The following EMILIN3 variants were observed in gnomAD, a reference collection of about 807,000 sequenced individuals.
EMILIN3 encodes elastin microfibril interfacer 3.
A neutral mutation model predicts 42.8 loss-of-function variants in EMILIN3; 38 were observed. The observed-to-expected ratio is 0.89, with a 90% CI of 0.69 to 1.16. The LOEUF (loss-of-function observed/expected upper bound fraction) is 1.16, where lower values mean the gene tolerates loss of function less well. Ranked by LOEUF, EMILIN3 falls within the 50% of genes most tolerant of loss-of-function variation. EMILIN3 has a pLI of 0.00. For missense variants in EMILIN3, 924 were observed against 999.5 expected, an observed-to-expected ratio of 0.92 and a Z score of 1.02; for synonymous variants, 430 against 440.5, an observed-to-expected ratio of 0.98 and a Z score of 0.30.
Position 41,360,911 on chromosome 20 carries a change from G to T in EMILIN3, c.*357C>A. ...GGGTCCTCTCAAGGCCTTACATACGGACACTGATCAAGGCCAGTTTGCCAC... is the reference window on the plus strand; with the variant it reads ...GGGTCCTCTCAAGGCCTTACATACGTACACTGATCAAGGCCAGTTTGCCAC... On this transcript the variant is annotated 3_prime_UTR_variant, in exon 4 of 4. Coordinates refer to ENST00000332312, the MANE Select transcript of EMILIN3 (RefSeq NM_052846.2). 2 of 335,270 alleles carry T rather than the reference G, an allele frequency of 6.0e-6. No homozygotes were observed. Among genetic ancestry groups the T allele is most frequent in the South Asian group, 1.1e-4 (2 of 18,246 alleles). 20.8% of individuals were successfully genotyped at this position (335,270 alleles called of 1,614,324 possible).
chr20:41,362,041 G>A lies in EMILIN3; in HGVS notation c.1528C>T (p.Leu510=). 1.2e-6 allele frequency: 2 copies of A among 1,611,290 alleles called. No individual in the cohort carries two copies. The highest frequency in any genetic ancestry group is 1.3e-5 in the African/African-American group (1 of 74,998). ...RPLVQTELAV[L]EQRLVSLETS... The stretch of plus-strand genomic sequence containing the variant: ...TCCAGTGAGACCAACCGTTGCTCTA[G>A]CACAGCCAGCTCTGTCTGTACAAGG... The change falls in exon 4 of 4, where the codon CTA becomes TTA. Residue 510 remains leucine (L), a synonymous_variant. Coordinates refer to ENST00000332312, the MANE Select transcript of EMILIN3 (RefSeq NM_052846.2).
In EMILIN3 at chr20:41,361,662, T is replaced by C. The variant is rs1390107705; in HGVS notation, c.1907A>G (p.Gln636Arg). 1.2e-6 allele frequency: 2 copies of C among 1,605,166 alleles called. No homozygotes were observed. The highest frequency in any genetic ancestry group is 1.7e-6 in the Non-Finnish European group (2 of 1,175,004). Residue 636 changes from glutamine to arginine, a missense_variant, in exon 4 of 4, where the codon CAG becomes CGG. Transcript: ENST00000332312. ...AAGCCTGGAGCCTTGGCTGCTGACCTGCTCCTGGATGGCCTGGACTTCGGC... is the reference window on the plus strand; with the variant it reads ...AAGCCTGGAGCCTTGGCTGCTGACCCGCTCCTGGATGGCCTGGACTTCGGC... ...VEAEVQAIQE[Q>R]VSSQGSRLQA...
In EMILIN3 at chr20:41,363,851, C is replaced by T. The variant is rs566384494; in HGVS notation, c.301G>A (p.Val101Ile). The T allele has an allele frequency of 8.7e-6, 14 of 1,613,678 alleles. No individual in the cohort carries two copies. The African/African-American group carries it at 1.2e-4, about 14-fold the overall frequency. The change falls in exon 3 of 4, where the codon GTA becomes ATA. Residue 101 changes from valine (V) to isoleucine (I), a missense_variant. Val to Ile is a conservative substitution (Grantham distance 29). Transcript: ENST00000332312. ...CCAACCTTGTATTTGGGTCTGAGTA[C>T]TGTGCGGTACCTGGGCCAGGGAGGG... ...KCPGTVTYRTVLRPKYKVGYK... is the reference protein window; with the variant it reads ...KCPGTVTYRTILRPKYKVGYK...
At position 41,366,335 on chromosome 20, in the gene EMILIN3, G is replaced by A. The variant is rs1375317268; in HGVS notation, c.167+133C>T. 2.2e-4 allele frequency: 137 copies of A among 632,784 alleles called. No homozygotes were observed. The highest frequency in any genetic ancestry group is 2.8e-4 in the Non-Finnish European group (137 of 490,120). The allele number at this position is 632,784 out of a possible 1,614,324, so 39.2% of individuals were successfully genotyped here. On this transcript the variant is annotated intron_variant, in intron 1 of 3. Coordinates refer to ENST00000332312, the MANE Select transcript of EMILIN3 (RefSeq NM_052846.2). This position sits in a 1 kb window ranked among gnomAD's most constrained non-coding sequence, Gnocchi z 4.2. Reference sequence around the variant, plus strand: ...CGCCTGGGCAGGGGCTCGGCCCCGGGCGCCGCCCCCTCTGTGCAGCGGCCT... The same window carrying A: ...CGCCTGGGCAGGGGCTCGGCCCCGGACGCCGCCCCCTCTGTGCAGCGGCCT...
chr20:41,361,238 G>T lies in EMILIN3; in HGVS notation c.*30C>A, dbSNP rs749794025. On this transcript the variant is annotated 3_prime_UTR_variant, in exon 4 of 4. Coordinates refer to ENST00000332312, the MANE Select transcript of EMILIN3 (RefSeq NM_052846.2). ...GGGGTGATGTTCCCCGAGTTGGTGG[G>T]ATCTAGGGGTTGGGTCCTGGCCAGC... The T allele has an allele frequency of 3.9e-6, 6 of 1,544,662 alleles. No individual in the cohort carries two copies. In the African/African-American group the frequency reaches 4.1e-5, roughly 10 times the overall value.
chr20:41,366,721 G>C lies in EMILIN3; in HGVS notation c.-87C>G. On this transcript the variant is annotated 5_prime_UTR_variant, in exon 1 of 4. Transcript: ENST00000332312. The surrounding 1 kb of genome is among the most constrained non-coding windows in gnomAD (Gnocchi z 4.2). Reference sequence around the variant, plus strand: ...CGCCGCGCCGCCCCCGCCGCTGGTCGGCCCGGGTCCCGCCCCGAGGGTCCC... The same window carrying C: ...CGCCGCGCCGCCCCCGCCGCTGGTCCGCCCGGGTCCCGCCCCGAGGGTCCC... 4 of 901,904 alleles carry C rather than the reference G, an allele frequency of 4.4e-6. No individual in the cohort carries two copies. The highest frequency in any genetic ancestry group is 5.3e-6 in the Non-Finnish European group (4 of 755,686). The allele number at this position is 901,904 out of a possible 1,614,324, so 55.9% of individuals were successfully genotyped here.
Position 41,362,011 on chromosome 20 carries a change from A to T in EMILIN3, c.1558T>A (p.Ser520Thr). The change falls in exon 4 of 4, where the codon TCG becomes ACG. Residue 520 changes from serine (S) to threonine (T), a missense_variant. Ser to Thr is a moderately conservative substitution (Grantham distance 58, BLOSUM62 1). Coordinates refer to ENST00000332312, the MANE Select transcript of EMILIN3 (RefSeq NM_052846.2). The stretch of plus-strand genomic sequence containing the variant: ...GCTGAGGTGGTGCTCGGGGTGCACG[A>T]AGTCTCCAGTGAGACCAACCGTTGC... Reference protein sequence around the residue: ...LEQRLVSLETSCTPSTTSAIL... With the variant: ...LEQRLVSLETTCTPSTTSAIL... 6.2e-7 allele frequency: 1 copy of T among 1,611,650 alleles called. No homozygotes were observed. The highest frequency in any genetic ancestry group is 8.5e-7 in the Non-Finnish European group (1 of 1,178,142).
chr20:41,361,996 T>G lies in EMILIN3; in HGVS notation c.1573A>C (p.Thr525Pro). The G allele has an allele frequency of 6.2e-7, 1 of 1,611,524 alleles. No individual in the cohort carries two copies. Among genetic ancestry groups the G allele is most frequent in the East Asian group, 2.2e-5 (1 of 44,792 alleles). ...VSLETSCTPS[T>P]TSAILDSLVA... is the part of the protein sequence containing the mutation. ...AGGCTGTCCAGGATGGCTGAGGTGG[T>G]GCTCGGGGTGCACGAAGTCTCCAGT... The change falls in exon 4 of 4, where the codon ACC becomes CCC. Residue 525 changes from threonine (T) to proline (P), a missense_variant. Physicochemically the swap from Thr to Pro is conservative, Grantham distance 38. Transcript: ENST00000332312.
At position 41,366,344 on chromosome 20, in the gene EMILIN3, C is replaced by T; in HGVS notation, c.167+124G>A. The T allele has an allele frequency of 8.2e-6, 6 of 731,040 alleles. No individual in the cohort carries two copies. The highest frequency in any genetic ancestry group is 1.0e-5 in the Non-Finnish European group (6 of 578,432). The allele number at this position is 731,040 out of a possible 1,614,324, so 45.3% of individuals were successfully genotyped here. On this transcript the variant is annotated intron_variant, in intron 1 of 3. Coordinates refer to ENST00000332312, the MANE Select transcript of EMILIN3 (RefSeq NM_052846.2). The surrounding 1 kb of genome is among the most constrained non-coding windows in gnomAD (Gnocchi z 4.2). ...AGGGGCTCGGCCCCGGGCGCCGCCCCCTCTGTGCAGCGGCCTCGGGGTGCC... is the reference window on the plus strand; with the variant it reads ...AGGGGCTCGGCCCCGGGCGCCGCCCTCTCTGTGCAGCGGCCTCGGGGTGCC...
Position 41,362,591 on chromosome 20 carries a change from G to A in EMILIN3, c.978C>T (p.Val326=). The change falls in exon 4 of 4, where the codon GTC becomes GTT. Residue 326 remains valine (V), a synonymous_variant. Coordinates refer to ENST00000332312, the MANE Select transcript of EMILIN3 (RefSeq NM_052846.2). ...GCACCCGCAGGTCACACTCACTCTG[G>A]ACGCCTTGCAGCTTCTGCTCAAAGC... The part of the protein sequence containing the change: ...LDGFEQKLQG[V]QSECDLRVQE... The A allele has an allele frequency of 6.2e-7, 1 of 1,601,518 alleles. No homozygotes were observed. Among genetic ancestry groups the A allele is most frequent in the Non-Finnish European group, 8.5e-7 (1 of 1,179,384 alleles).
chr20:41,362,110 C>T lies in EMILIN3; in HGVS notation c.1459G>A (p.Glu487Lys), dbSNP rs779213554. 6.2e-7 allele frequency: 1 copy of T among 1,606,084 alleles called. No homozygotes were observed. Among genetic ancestry groups the T allele is most frequent in the Non-Finnish European group, 8.5e-7 (1 of 1,173,900 alleles). Residue 487 changes from glutamate to lysine, a missense_variant, in exon 4 of 4, where the codon GAG becomes AAG. Physicochemically the swap from Glu to Lys is moderately conservative, Grantham distance 56 (BLOSUM62 1). Transcript: ENST00000332312. ...LEERLATLAG[E>K]LSHDSASPGR... ...GGAGAGGCGCTGTCATGGCTTAGCTCCCCAGCCAATGTTGCTAGGCGCTCC... is the reference window on the plus strand; with the variant it reads ...GGAGAGGCGCTGTCATGGCTTAGCTTCCCAGCCAATGTTGCTAGGCGCTCC...
chr20:41,360,982 C>A lies in EMILIN3; in HGVS notation c.*286G>T. On this transcript the variant is annotated 3_prime_UTR_variant, in exon 4 of 4. Transcript: ENST00000332312. ...ATGCTCAGGCCCTGCAGCTGGCTGT[C>A]CAGACACTGATTTGCTGACAGTGGA... 4.4e-6 allele frequency: 2 copies of A among 451,766 alleles called. No homozygotes were observed. The highest frequency in any genetic ancestry group is 4.9e-5 in the South Asian group (1 of 20,456). 28.0% of individuals were successfully genotyped at this position (451,766 alleles called of 1,614,324 possible).
intron 3 of EMILIN3, 90 bp downstream of exon 3, chr20:41,363,548 T>A: frequency 7.5e-7 from 1 of 1,326,080 alleles, no homozygotes; most frequent in Non-Finnish European, 1.0e-6. Flanking sequence ...ATGCCGGAGC[T>A]CAGCCAGCCT....
At chr20:41,363,112 C>A (rs2046375245) in intron 3 of EMILIN3, 58 bp from the exon 4 acceptor site, 3 of 1,346,484 alleles carry the variant, frequency 2.2e-6, no homozygotes, top group Admixed American at 5.6e-5. Flanking sequence ...CAGCTTGTCA[C>A]AATGCCAGGC....
At position 41,366,537 on chromosome 20, in the gene EMILIN3, G is replaced by A; in HGVS notation, c.98C>T (p.Pro33Leu). The change falls in exon 1 of 4, where the codon CCG becomes CTG. Residue 33 changes from proline (P) to leucine (L), a missense_variant. Pro to Leu is a moderately conservative substitution (Grantham distance 98, BLOSUM62 -3). Transcript: ENST00000332312. This position sits in a 1 kb window ranked among gnomAD's most constrained non-coding sequence, Gnocchi z 4.2. The part of the protein sequence containing the change: ...RGTPLLARPA[P>L]PGASRYSLYT... ...GAGACTGTAGCGGGAGGCACCGGGC[G>A]GCGCAGGCCGCGCCAGGAGCGGGGT... 8.7e-7 allele frequency: 1 copy of A among 1,150,554 alleles called. No homozygotes were observed. The highest frequency in any genetic ancestry group is 1.1e-6 in the Non-Finnish European group (1 of 937,646). 71.3% of individuals were successfully genotyped at this position (1,150,554 alleles called of 1,614,324 possible). A position where few individuals can be genotyped will look rare whatever the true frequency, so the allele number is the denominator to read the frequency against.
Position 41,366,489 on chromosome 20 carries a change from C to A in EMILIN3, c.146G>T (p.Arg49Leu). ...TTACTTGTGCGGCCCCGGGCGCAGC[C>A]GCGGGCGCCATCCCGTCGTGTAGAG... ...YSLYTTGWRP[R>L]LRPGPHKALC... The change falls in exon 1 of 4, where the codon CGG becomes CTG. Residue 49 changes from arginine to leucine, a missense_variant. Coordinates refer to ENST00000332312, the MANE Select transcript of EMILIN3 (RefSeq NM_052846.2). This position sits in a 1 kb window ranked among gnomAD's most constrained non-coding sequence, Gnocchi z 4.2. 5 of 1,148,744 alleles carry A rather than the reference C, an allele frequency of 4.4e-6. No individual in the cohort carries two copies. Among genetic ancestry groups the A allele is most frequent in the Non-Finnish European group, 5.3e-6 (5 of 935,678 alleles). 71.2% of individuals were successfully genotyped at this position (1,148,744 alleles called of 1,614,324 possible).
Position 41,361,123 on chromosome 20 carries a change from C to T in EMILIN3, c.*145G>A, listed in dbSNP as rs796581744. The T allele has an allele frequency of 3.9e-6, 3 of 769,384 alleles. No homozygotes were observed. Among genetic ancestry groups the T allele is most frequent in the African/African-American group, 1.8e-5 (1 of 56,962 alleles). 47.7% of individuals were successfully genotyped at this position (769,384 alleles called of 1,614,324 possible). Reference sequence around the variant, plus strand: ...GCATGGGTTTTGGTGGCTGGGACAGCCACGTGGAGGATTCCCTCAGTGGCC... The same window carrying T: ...GCATGGGTTTTGGTGGCTGGGACAGTCACGTGGAGGATTCCCTCAGTGGCC... On this transcript the variant is annotated 3_prime_UTR_variant, in exon 4 of 4. Coordinates refer to ENST00000332312, the MANE Select transcript of EMILIN3 (RefSeq NM_052846.2).
Position 41,362,652 on chromosome 20 carries a change from C to A in EMILIN3, c.917G>T (p.Arg306Leu). 1 of 1,609,246 alleles carries A rather than the reference C, an allele frequency of 6.2e-7. No homozygotes were observed. Residue 306 changes from arginine to leucine, a missense_variant, in exon 4 of 4, where the codon CGA becomes CTA. Physicochemically the swap from Arg to Leu is moderately radical, Grantham distance 102. Transcript: ENST00000332312. ...GCTCCCCCAGAGTCGGTGCAGCCGT[C>A]GGTCCACGTACTCCTCCAGCAGGGC... ...SLALLEEYVD[R>L]RLHRLWGSLL...
Position 41,361,043 on chromosome 20 carries a change from C to CATGA in EMILIN3, c.*221_*224dup, listed in dbSNP as rs2046353863. 2.0e-6 allele frequency: 1 copy of CATGA among 495,482 alleles called. No individual in the cohort carries two copies. The highest frequency in any genetic ancestry group is 4.5e-5 in the South Asian group (1 of 21,994). The allele number at this position is 495,482 out of a possible 1,614,324, so 30.7% of individuals were successfully genotyped here. ...TCTCAAGTCTACCCTGGCCTTCAAG[C>CATGA]ATGACATCCTTGCCTTGACCGCTGT... On this transcript the variant is annotated 3_prime_UTR_variant, in exon 4 of 4. Transcript: ENST00000332312.
Sources: allele counts gnomAD v4.1 joint callset, GRCh38; gene constraint gnomAD v4.1.1; non-coding constraint Gnocchi (gnomAD v3.1); transcripts MANE v1.5; gene names NCBI Gene and HGNC (gene_info 2026-07-23, HGNC 2026-07-21).